CPA6: variants seen among roughly 807,000 people sequenced by gnomAD.
CPA6 encodes carboxypeptidase A6, also known as carboxypeptidase B.
CPA6 carries 58 observed loss-of-function variants against 63.3 expected under a neutral mutation model. That is an observed-to-expected ratio of 0.92 (90% CI 0.74 to 1.14). CPA6 has a LOEUF of 1.14. Ranked by LOEUF, CPA6 falls within the 50% of genes most tolerant of loss-of-function variation. The pLI, the probability that CPA6 is intolerant of heterozygous loss-of-function variation, is 0.00. For missense variants in CPA6, 565 were observed against 526.6 expected (o/e 1.07, Z -0.71); for synonymous variants, 185 against 179.0 (o/e 1.03, Z -0.27).
intron 6 of CPA6, among the ~76,000 whole-genome samples, chr8:67,500,801 C>T (rs1401064536): frequency 6.6e-6 from 1 of 150,902 alleles, no homozygotes; most frequent in African/African-American, 2.4e-5. Context: ...ATTGCTCCAG[C>T]ACCATTTGTT....
intron 8 of CPA6, among the ~76,000 whole-genome samples, chr8:67,447,069 CATATATACACATATATATACACACAT>C: frequency 2.1e-5 from 3 of 142,504 alleles, no homozygotes; most frequent in South Asian, 2.3e-4. Flanking sequence ...TATATACACA[CATATATACACATATATATACACACAT>C]ATATATACAC....
chr8:67,571,567 A>G (rs1001821107), intron 2 of CPA6, among the ~76,000 whole-genome samples: 1 of 152,350 alleles, frequency 6.6e-6, no homozygotes, highest in African/African-American at 2.4e-5. Flanking sequence ...AAATTCACAA[A>G]TAAATGTCAA....
intron 1 of CPA6, among the ~76,000 whole-genome samples, chr8:67,630,835 C>T (rs983723341): frequency 2.1e-4 from 32 of 152,206 alleles, no homozygotes; most frequent in Non-Finnish European, 4.4e-5. Context: ...GCTGGCGCTG[C>T]CAGCCCAGGG....
intron 6 of CPA6, among the ~76,000 whole-genome samples, chr8:67,505,850 C>T (rs1811915647): frequency 6.6e-6 from 1 of 152,038 alleles, no homozygotes; most frequent in African/African-American, 2.4e-5. Context: ...ATAATTTCCC[C>T]ATAAAACACA....
chr8:67,684,622 G>A (rs1269203808), intron 1 of CPA6, among the ~76,000 whole-genome samples: 1 of 152,118 alleles, frequency 6.6e-6, no homozygotes, highest in Admixed American at 6.5e-5. Flanking sequence ...CTGGGCTTCC[G>A]TACAGGCCCC....
chr8:67,667,631 G>A (rs76462141), intron 1 of CPA6, among the ~76,000 whole-genome samples: 2 of 152,170 alleles, frequency 1.3e-5, no homozygotes, highest in Non-Finnish European at 2.9e-5. Context: ...TCTGAGGGGG[G>A]ACCTCAGAGT....
chr8:67,593,125 C>T (rs2128981405), intron 2 of CPA6, among the ~76,000 whole-genome samples: 1 of 150,420 alleles, frequency 6.6e-6, no homozygotes, highest in Admixed American at 6.6e-5. Context: ...TTTATTTCTG[C>T]CTTCATTTCA....
chr8:67,714,200 C>T (rs949855047), intron 1 of CPA6, among the ~76,000 whole-genome samples: 5 of 152,056 alleles, frequency 3.3e-5, no homozygotes, highest in African/African-American at 9.7e-5. Flanking sequence ...ACTTCTTCAC[C>T]GCGTCTCCAC....
At chr8:67,721,889 C>T (rs1203292029) in intron 1 of CPA6, among the ~76,000 whole-genome samples, 3 of 152,302 alleles carry the variant, frequency 2.0e-5, no homozygotes, top group African/African-American at 7.2e-5. Flanking sequence ...GGAACCTTAA[C>T]TTAACTAGAG....
intron 1 of CPA6, among the ~76,000 whole-genome samples, chr8:67,643,373 T>C (rs1301928557): frequency 3.9e-5 from 6 of 152,196 alleles, no homozygotes. Flanking sequence ...AATGGAATAC[T>C]ATATAGCAGT....
chr8:67,442,914 G>C (rs1810325551), intron 8 of CPA6, among the ~76,000 whole-genome samples: 1 of 152,076 alleles, frequency 6.6e-6, no homozygotes, highest in African/African-American at 2.4e-5. Context: ...TCCTTTACAA[G>C]GCAACTTTGG....
In CPA6 at chr8:67,554,229, TA is replaced by T. The variant is rs373793799; in HGVS notation, c.193-36183del. On this transcript the variant is annotated intron_variant, in intron 2 of 10. Transcript: ENST00000297770. ...AATTGGCTCACGATTCTGCAGGCTG[TA>T]ACAGGAAGCATGGACCAGCATCTGC... Among the ~76,000 whole-genome samples, 693 of 152,228 alleles carry T rather than the reference TA, an allele frequency of 4.6e-3. 4 individuals carry two copies. Among genetic ancestry groups the T allele is most frequent in the African/African-American group, 0.016 (647 of 41,544 alleles).
At chr8:67,720,161 TG>T in intron 1 of CPA6, among the ~76,000 whole-genome samples, 1 of 140,602 alleles carries the variant, frequency 7.1e-6, no homozygotes, top group East Asian at 2.1e-4. Context: ...CGGGCAGGAG[TG>T]GGGGTCGCAA....
At chr8:67,577,770 G>A (rs1409764238) in intron 2 of CPA6, among the ~76,000 whole-genome samples, 1 of 152,122 alleles carries the variant, frequency 6.6e-6, no homozygotes, top group East Asian at 1.9e-4. Context: ...TGAATGAAGA[G>A]TACCTGTGTG....
intron 2 of CPA6, among the ~76,000 whole-genome samples, chr8:67,560,273 A>C (rs1303994270): frequency 1.3e-5 from 2 of 151,706 alleles, no homozygotes; most frequent in African/African-American, 2.4e-5. Context: ...GCATCTCCCA[A>C]AGGGCTCGCT....
chr8:67,708,157 A>T (rs1459851965), intron 1 of CPA6, among the ~76,000 whole-genome samples: 1 of 152,210 alleles, frequency 6.6e-6, no homozygotes, highest in Non-Finnish European at 1.5e-5. Context: ...GGCTTTAAAA[A>T]GTCTTATGTG....
chr8:67,508,135 G>A (rs1387221375), intron 5 of CPA6, among the ~76,000 whole-genome samples: 1 of 151,584 alleles, frequency 6.6e-6, no homozygotes, highest in African/African-American at 2.4e-5. Context: ...ATGGGGGCTC[G>A]AAGGAAGCTC....
chr8:67,511,507 T>A (rs780154258), intron 4 of CPA6, 34 bp downstream of exon 4: 22 of 1,231,676 alleles, frequency 1.8e-5, no homozygotes, highest in Non-Finnish European at 2.3e-5. Context: ...GATGACTCTG[T>A]GAAAAACCAG....
At chr8:67,695,921 C>T (rs1816904730) in intron 1 of CPA6, among the ~76,000 whole-genome samples, 1 of 152,156 alleles carries the variant, frequency 6.6e-6, no homozygotes, top group South Asian at 2.1e-4. Flanking sequence ...GCTTTATGCT[C>T]TTCTGGCTTA....
Sources: gnomAD v4.1 joint callset for allele counts (sites outside exome capture counted in the v4.1 genomes callset) on GRCh38, gnomAD v4.1.1 for gene constraint, MANE v1.5 for transcripts, NCBI Gene and HGNC (gene_info 2026-07-23, HGNC 2026-07-21) for gene names.